Variants in GAK observed in about 807,000 individuals in gnomAD.
GAK encodes cyclin-G-associated kinase.
GAK carries 79 observed loss-of-function variants against 143.9 expected under a neutral mutation model. The ratio of observed to expected loss-of-function variants is 0.55; its 90% confidence interval spans 0.46 to 0.66. GAK has a LOEUF of 0.66. GAK is among the 30% of genes least tolerant of loss of function. The pLI is 0.00. For synonymous variants in GAK, 881 were observed against 765.5 expected (o/e 1.15, Z -2.49); for missense variants, 1,693 against 1,779.7 (o/e 0.95, Z 0.88).
At chr4:881,164 G>A (rs1715023998) in intron 15 of GAK, among the ~76,000 whole-genome samples, 1 of 152,214 alleles carries the variant, frequency 6.6e-6, no homozygotes, top group South Asian at 2.1e-4. Context: ...AGAATGGGGA[G>A]TCCCCTGACG....
At chr4:852,088 A>G (rs976924155) in intron 24 of GAK, 114 bp from the exon 25 acceptor site, 3 of 927,120 alleles carry the variant, frequency 3.2e-6, no homozygotes, top group Non-Finnish European at 5.1e-6. Flanking sequence ...AAAATAGAAC[A>G]CCGATCACTC....
At chr4:897,077 A>C (rs1301408852) in intron 6 of GAK, among the ~76,000 whole-genome samples, 1 of 152,216 alleles carries the variant, frequency 6.6e-6, no homozygotes, top group Non-Finnish European at 1.5e-5. Context: ...CAGAGCTGTG[A>C]GGAGAGAGTG....
Position 867,297 on chromosome 4 carries a change from C to T in GAK, c.2531G>A (p.Arg844Lys), listed in dbSNP as rs545268069. 2.5e-6 allele frequency: 4 copies of T among 1,612,518 alleles called. No individual in the cohort carries two copies. The Admixed American group carries it at 6.7e-5, about 27-fold the overall frequency. ...CAGGCCGGGGGGCTCTGGGTCGGCC[C>T]TGGGTTCCTGGCCCTCGCTGGAGAT... ...SPISSEGQEP[R>K]ADPEPPGLAA... Residue 844 changes from arginine to lysine, a missense_variant, in exon 21 of 28, where the codon AGG (arginine) becomes AAG (lysine). By Grantham distance (26) the Arg-to-Lys change is conservative. Transcript: ENST00000314167.
chr4:849,650 G>A lies in GAK; in HGVS notation c.*23C>T, dbSNP rs758124404. 2.5e-6 allele frequency: 4 copies of A among 1,578,502 alleles called. No individual in the cohort carries two copies. In the South Asian group the frequency reaches 4.5e-5, roughly 18 times the overall value. On this transcript the variant is annotated 3_prime_UTR_variant, in exon 28 of 28. Transcript: ENST00000314167. Reference sequence around the variant, plus strand: ...CGGCTCCCAACCTGTGGAGCTGTGTGCGCAGCCACCACCACTGCGGCCTCA... The same window carrying A: ...CGGCTCCCAACCTGTGGAGCTGTGTACGCAGCCACCACCACTGCGGCCTCA...
chr4:882,524 A>G (rs184669844), intron 14 of GAK, among the ~76,000 whole-genome samples, 173 bp downstream of exon 14: 222 of 152,324 alleles, frequency 1.5e-3, no homozygotes, highest in African/African-American at 5.1e-3. Flanking sequence ...GGGCGGGGCC[A>G]TCTGTCATCT....
At position 851,001 on chromosome 4, in the gene GAK, G is replaced by T. The variant is rs1196127044; in HGVS notation, c.3592C>A (p.Pro1198Thr). Residue 1198 changes from proline to threonine, a missense_variant, in exon 26 of 28, where the codon CCA becomes ACA. This residue lies in a region of GAK where 822 missense variants were observed against 788.7 expected (regional missense o/e 1.04). Coordinates refer to ENST00000314167, the MANE Select transcript of GAK (RefSeq NM_005255.4). Reference protein sequence around the residue: ...GFSSRSDKKGPKTIAEMRKQD... With the variant: ...GFSSRSDKKGTKTIAEMRKQD... ...TTCCTCATCTCTGCAATGGTCTTTG[G>T]CCCTTTCTTGTCAGACCTGGAGGAG... 6.2e-7 allele frequency: 1 copy of T among 1,614,118 alleles called. No homozygotes were observed. The highest frequency in any genetic ancestry group is 8.5e-7 in the Non-Finnish European group (1 of 1,179,994).
chr4:850,787 T>C, intron 26 of GAK, 149 bp downstream of exon 26: 2 of 845,992 alleles, frequency 2.4e-6, no homozygotes, highest in African/African-American at 3.4e-5. Flanking sequence ...GGTCCCTGTC[T>C]GGAGACGCCG....
chr4:911,525 CAG>C, intron 4 of GAK, 146 bp downstream of exon 4: 1 of 566,078 alleles, frequency 1.8e-6, no homozygotes, highest in Non-Finnish European at 3.2e-6. Context: ...GAACTACTGT[CAG>C]AGAGCTGCCC....
chr4:881,042 C>CA (rs950719573), intron 15 of GAK, among the ~76,000 whole-genome samples: 62 of 152,348 alleles, frequency 4.1e-4, no homozygotes, highest in Middle Eastern at 3.4e-3. Context: ...TCTCCTCCCC[C>CA]CAAGGCTGTG....
intron 15 of GAK, among the ~76,000 whole-genome samples, chr4:880,789 A>T (rs951000163): frequency 5.3e-5 from 8 of 151,970 alleles, no homozygotes; most frequent in Non-Finnish European, 1.0e-4. Flanking sequence ...TGGGAGCAGC[A>T]CTCTGCACAT....
At chr4:893,061 G>T (rs1560377601) in intron 9 of GAK, among the ~76,000 whole-genome samples, 1 of 152,048 alleles carries the variant, frequency 6.6e-6, no homozygotes, top group South Asian at 2.1e-4. Flanking sequence ...TCCTCTCTGT[G>T]GGGGGATTTG....
intron 11 of GAK, chr4:887,145 G>A (rs79828386): frequency 0.043 from 6,434 of 148,552 alleles, 162 homozygotes; most frequent in East Asian, 0.095. Context: ...ACACACATGC[G>A]TACACATGCA....
At chr4:931,534 C>T (rs1245823955) in intron 1 of GAK, among the ~76,000 whole-genome samples, 1 of 151,638 alleles carries the variant, frequency 6.6e-6, no homozygotes, top group Non-Finnish European at 1.5e-5. Flanking sequence ...CCAGTCCTGT[C>T]CCTGCCTGCT....
chr4:899,146 C>G (rs971169909), intron 5 of GAK, among the ~76,000 whole-genome samples: 2 of 152,190 alleles, frequency 1.3e-5, no homozygotes, highest in Non-Finnish European at 2.9e-5. Flanking sequence ...CCATGTGGAA[C>G]GAAAGGAGAA....
intron 23 of GAK, 56 bp downstream of exon 23, chr4:865,066 C>A (rs187264551): frequency 1.3e-6 from 2 of 1,569,518 alleles, no homozygotes; most frequent in African/African-American, 2.8e-5. Flanking sequence ...GAAATAGAGA[C>A]GGGCCACAGC....
rs371349252 is a variant in GAK at position 900,314 on chromosome 4, G to A, written c.526-2156C>T. ...GGCCACGTGTGCTGCCTGCCCCTCCGCAAACAGCCGTCCAGACTCCCACGG... is the reference window on the plus strand; with the variant it reads ...GGCCACGTGTGCTGCCTGCCCCTCCACAAACAGCCGTCCAGACTCCCACGG... On this transcript the variant is annotated intron_variant, in intron 5 of 27. Coordinates refer to ENST00000314167, the MANE Select transcript of GAK (RefSeq NM_005255.4). Among the ~76,000 whole-genome samples the A allele has an allele frequency of 1.7e-3, 262 of 152,362 alleles. 9 individuals are homozygous for A. The South Asian group carries it at 0.052, about 30-fold the overall frequency.
intron 18 of GAK, chr4:872,609 CGGCCAGACG>C (rs1712915235): frequency 6.6e-6 from 1 of 152,408 alleles, no homozygotes; most frequent in Non-Finnish European, 1.5e-5. Context: ...GGAGCCAGGT[CGGCCAGACG>C]GGCTTGGGTC....
At chr4:874,792 C>T (rs1363236643) in intron 18 of GAK, among the ~76,000 whole-genome samples, 1 of 152,144 alleles carries the variant, frequency 6.6e-6, no homozygotes, top group Non-Finnish European at 1.5e-5. Context: ...GTTCCACTCT[C>T]TCTCTTCTCC....
At chr4:918,853 A>C (rs1723464041) in intron 1 of GAK, among the ~76,000 whole-genome samples, 1 of 134,492 alleles carries the variant, frequency 7.4e-6, no homozygotes, top group African/African-American at 2.7e-5. Context: ...TCAGCACCCC[A>C]TGACCTTAGA....
Sources: gnomAD v4.1 joint callset for allele counts (sites outside exome capture counted in the v4.1 genomes callset) on GRCh38, gnomAD v4.1.1 for gene constraint, gnomAD v4.1.1 regional missense constraint, MANE v1.5 for transcripts, NCBI Gene and HGNC (gene_info 2026-07-23, HGNC 2026-07-21) for gene names.